HYDIN: variants seen among roughly 807,000 people sequenced by gnomAD.
HYDIN encodes the protein axonemal central pair apparatus protein HYDIN.
Under a neutral mutation model 403.9 loss-of-function variants are expected in HYDIN, and 132 were observed. The observed-to-expected ratio is 0.33, with a 90% confidence interval of 0.28 to 0.38. HYDIN has a LOEUF of 0.38. Ranked by LOEUF, HYDIN falls within the 10% of genes least tolerant of loss-of-function variation. The probability of loss-of-function intolerance (pLI) is 1.00; values close to 1 mark genes in which losing one functional copy is unlikely to be tolerated. For missense variants in HYDIN, 2,827 were observed against 5,009.5 expected, an observed-to-expected ratio of 0.56 and a Z score of 13.15; for synonymous variants, 1,202 against 1,891.7, an observed-to-expected ratio of 0.64 and a Z score of 9.46.
intron 42 of HYDIN, 58 bp downstream of exon 42, chr16:70,943,754 G>A: frequency 6.3e-7 from 1 of 1,581,572 alleles, no homozygotes; most frequent in African/African-American, 1.3e-5. Flanking sequence ...TGTCCAGGGT[G>A]TGGGGATGGT....
At chr16:71,015,252 A>C (rs550448370) in intron 23 of HYDIN, among the ~76,000 whole-genome samples, 4 of 152,078 alleles carry the variant, frequency 2.6e-5, no homozygotes. Context: ...CAGAGGCTCA[A>C]TATTAAGAGA....
chr16:71,084,458 C>T (rs1411363626), intron 12 of HYDIN, among the ~76,000 whole-genome samples: 2 of 150,656 alleles, frequency 1.3e-5, no homozygotes, highest in African/African-American at 4.9e-5. Flanking sequence ...ACAATCTCCG[C>T]TCACTGCAAT....
chr16:70,837,728 G>T lies in HYDIN; in HGVS notation c.13204C>A (p.Gln4402Lys), dbSNP rs768878366. ...IPFEINGLSQ[Q>K]TVEIKGKGTK... is the part of the protein sequence containing the mutation. The stretch of plus-strand genomic sequence containing the variant: ...CCCTTCCCTTTGATTTCGACTGTTT[G>T]TTGTGAGAGCCCATTGATTTCAAAG... The change falls in exon 77 of 86, where the codon CAA becomes AAA. Residue 4402 changes from glutamine to lysine, a missense_variant. Transcript: ENST00000393567. The T allele has an allele frequency of 1.1e-5, 18 of 1,613,810 alleles. No individual in the cohort carries two copies. Among genetic ancestry groups the T allele is most frequent in the East Asian group, 2.2e-5 (1 of 44,898 alleles).
At chr16:70,907,803 G>T (rs2076576986) in intron 49 of HYDIN, among the ~76,000 whole-genome samples, 1 of 151,524 alleles carries the variant, frequency 6.6e-6, no homozygotes, top group Admixed American at 6.6e-5. Flanking sequence ...GGTTCTGGGA[G>T]ATATGAATTA....
intron 21 of HYDIN, among the ~76,000 whole-genome samples, chr16:71,021,617 A>G (rs1310626456): frequency 6.6e-6 from 1 of 151,832 alleles, no homozygotes; most frequent in Non-Finnish European, 1.5e-5. Context: ...GGCCCACATT[A>G]TTTCTTGTAT....
chr16:71,032,156 A>T (rs895617106), intron 18 of HYDIN, among the ~76,000 whole-genome samples: 42 of 152,084 alleles, frequency 2.8e-4, no homozygotes, highest in Non-Finnish European at 4.6e-4. Flanking sequence ...GATTCTTTAC[A>T]TCTCTTTCGC....
At chr16:70,875,782 C>T (rs1475348969) in intron 62 of HYDIN, among the ~76,000 whole-genome samples, 1 of 151,800 alleles carries the variant, frequency 6.6e-6, no homozygotes, top group African/African-American at 2.4e-5. Flanking sequence ...AGAGGCTTCC[C>T]GATGGGATTT....
chr16:70,971,227 G>A (rs1367511640), intron 35 of HYDIN, among the ~76,000 whole-genome samples: 10 of 152,312 alleles, frequency 6.6e-5, no homozygotes, highest in Middle Eastern at 6.8e-3. Flanking sequence ...GGGGATTTAC[G>A]GTAAAAAGAC....
At chr16:71,024,940 T>A (rs1456754977) in intron 21 of HYDIN, among the ~76,000 whole-genome samples, 1 of 152,236 alleles carries the variant, frequency 6.6e-6, no homozygotes, top group Non-Finnish European at 1.5e-5. Context: ...ATACGGTTGT[T>A]GTGAGGGACT....
At chr16:70,852,866 T>C (rs2038748249) in intron 73 of HYDIN, 1 of 152,086 alleles carries the variant, frequency 6.6e-6, no homozygotes, top group Non-Finnish European at 1.5e-5. Context: ...TACACATCTA[T>C]CAGAAAAGCT....
chr16:71,205,505 G>A (rs1454069496), intron 1 of HYDIN, among the ~76,000 whole-genome samples: 1 of 152,172 alleles, frequency 6.6e-6, no homozygotes. Context: ...GGGTAATTCC[G>A]AGTCCAAGGG....
rs56235375 is a variant in HYDIN, at chr16:70,954,452, CAAAA to C, written c.6316+919_6316+922del. Among the ~76,000 whole-genome samples the C allele has an allele frequency of 9.1e-5, 6 of 65,818 alleles. No individual in the cohort carries two copies. In the South Asian group the frequency reaches 2.2e-3, roughly 24 times the overall value. 43.2% of individuals were successfully genotyped at this position (65,818 alleles called of 152,430 possible). Reference sequence around the variant, plus strand: ...TGGGTGACAGAGAGATACCTTGTCTCAAAAAAAAAAAAAAAAAAAGAAAGAAAGA... The same window carrying C: ...TGGGTGACAGAGAGATACCTTGTCTCAAAAAAAAAAAAAAAGAAAGAAAGA... On this transcript the variant is annotated intron_variant, in intron 40 of 85. Transcript: ENST00000393567.
chr16:70,945,153 G>C (rs2077812363), intron 41 of HYDIN, among the ~76,000 whole-genome samples: 1 of 152,236 alleles, frequency 6.6e-6, no homozygotes, highest in Non-Finnish European at 1.5e-5. Context: ...GATGGCAACA[G>C]GGATGAGGAT....
At chr16:71,140,822 T>G (rs1330003421) in intron 7 of HYDIN, among the ~76,000 whole-genome samples, 1 of 151,970 alleles carries the variant, frequency 6.6e-6, no homozygotes, top group Non-Finnish European at 1.5e-5. Flanking sequence ...ATAGGCCAAT[T>G]GCACTTCTGA....
chr16:71,099,084 T>C (rs1327776829), intron 10 of HYDIN, among the ~76,000 whole-genome samples: 1 of 152,114 alleles, frequency 6.6e-6, no homozygotes, highest in African/African-American at 2.4e-5. Context: ...TCCTCATCTA[T>C]GACTGCAGTG....
intron 64 of HYDIN, among the ~76,000 whole-genome samples, chr16:70,872,725 T>A (rs1321558156): frequency 8.7e-6 from 1 of 114,646 alleles, no homozygotes; most frequent in Non-Finnish European, 1.7e-5. Context: ...CATCCATCCA[T>A]CCATTATCCA....
intron 17 of HYDIN, among the ~76,000 whole-genome samples, chr16:71,061,595 T>G (rs1413665207): frequency 6.6e-6 from 1 of 152,034 alleles, no homozygotes; most frequent in Non-Finnish European, 1.5e-5. Flanking sequence ...ACAGCTTGAG[T>G]AGGCTGATGG....
chr16:70,931,222 T>TTTG lies in HYDIN; in HGVS notation c.7158+4729_7158+4730insCAA, dbSNP rs1555575199. ...CTCTCTTTCTTCTGTTTTTTTTTTT[T>TTTG]TTTTTTTTTTTTTAATACAGGGTCT... is the stretch of plus-strand genomic sequence containing the variant. On this transcript the variant is annotated intron_variant, in intron 45 of 85. Transcript: ENST00000393567. 3.2e-4 allele frequency among the ~76,000 whole-genome samples: 42 copies of TTTG among 129,658 alleles called. 2 individuals carry two copies. Among genetic ancestry groups the TTTG allele is most frequent in the Non-Finnish European group, 8.4e-5 (5 of 59,378 alleles). The allele number at this position is 129,658 out of a possible 152,430, so 85.1% of individuals were successfully genotyped here.
chr16:71,135,210 A>C lies in HYDIN; in HGVS notation c.1043+1941T>G, dbSNP rs1284200362. On this transcript the variant is annotated intron_variant, in intron 8 of 85. Transcript: ENST00000393567. ...AGTTGCCAGAAGAAATAATAGAAAG[A>C]GCAAGGGAGATAGTAAAAGAAAATG... 2.0e-5 allele frequency among the ~76,000 whole-genome samples: 3 copies of C among 152,252 alleles called. No homozygotes were observed. The East Asian group carries it at 5.8e-4, about 29-fold the overall frequency.
Sources: allele counts gnomAD v4.1 joint callset (sites outside exome capture counted in the v4.1 genomes callset), GRCh38; gene constraint gnomAD v4.1.1; transcripts MANE v1.5; gene names NCBI Gene and HGNC (gene_info 2026-07-23, HGNC 2026-07-21).